DPH6: variants seen among roughly 807,000 people sequenced by gnomAD.
The protein encoded by DPH6 is diphthamine biosynthesis 6.
In DPH6, 33 loss-of-function variants were observed where a neutral mutation model predicts 38.2. That is an observed-to-expected ratio of 0.86 (90% CI 0.65 to 1.15). The LOEUF is 1.15. Among genes scored for constraint, DPH6 ranks in the 50% most tolerant of loss-of-function variants. The pLI is 0.00. For missense variants in DPH6, 325 were observed against 320.0 expected (o/e 1.02, Z -0.12); for synonymous variants, 108 against 103.0 (o/e 1.05, Z -0.30).
chr15:35,255,289 A>C (rs1239393960), intron 3 of DPH6, among the ~76,000 whole-genome samples: 3 of 152,228 alleles, frequency 2.0e-5, no homozygotes, highest in Non-Finnish European at 4.4e-5. Context: ...GAGCCTTCTT[A>C]AATCCCCTCA....
chr15:35,158,193 C>T, the DPH6 span, among the ~76,000 whole-genome samples: 1 of 140,438 alleles, frequency 7.1e-6, no homozygotes, highest in African/African-American at 2.6e-5. Context: ...TGGTCCCTCT[C>T]TCAAGGAAGT....
intron 3 of DPH6, among the ~76,000 whole-genome samples, chr15:35,276,086 T>C (rs2051857514): frequency 6.6e-6 from 1 of 152,230 alleles, no homozygotes; most frequent in Admixed American, 6.5e-5. Flanking sequence ...GTGTTTCCTG[T>C]TCACCACATC....
chr15:35,478,658 G>A (rs983829606), intron 3 of DPH6, among the ~76,000 whole-genome samples: 8 of 151,754 alleles, frequency 5.3e-5, no homozygotes, highest in African/African-American at 2.4e-5. Context: ...CCAAATCTGG[G>A]GTGGTCTAAA....
chr15:35,154,735 G>A, the DPH6 span, among the ~76,000 whole-genome samples: 5 of 152,072 alleles, frequency 3.3e-5, no homozygotes, highest in Non-Finnish European at 7.4e-5. Context: ...TATGAAATTG[G>A]GATTATTACA....
At chr15:35,457,198 G>C (rs981945341) in intron 3 of DPH6, among the ~76,000 whole-genome samples, 2 of 151,286 alleles carry the variant, frequency 1.3e-5, no homozygotes, top group South Asian at 2.1e-4. Flanking sequence ...CAACTGATCT[G>C]CCCGCCTTGG....
intron 7 of DPH6, among the ~76,000 whole-genome samples, chr15:35,378,151 C>G (rs183109847): frequency 2.6e-5 from 4 of 152,136 alleles, no homozygotes; most frequent in Non-Finnish European, 5.9e-5. Context: ...ACAACCCCAT[C>G]AAAAAGTGGG....
the DPH6 span, among the ~76,000 whole-genome samples, chr15:35,180,443 A>ACACACT: frequency 7.9e-6 from 1 of 125,874 alleles, no homozygotes; most frequent in South Asian, 2.6e-4. Flanking sequence ...ACACACACAC[A>ACACACT]CTTGCCCAGT....
chr15:35,522,197 G>C, intron 3 of DPH6: 1 of 1,613,370 alleles, frequency 6.2e-7, no homozygotes, highest in Non-Finnish European at 8.5e-7. Flanking sequence ...ACAATCGCCT[G>C]GCTGCCCACT....
intron 3 of DPH6, among the ~76,000 whole-genome samples, chr15:35,270,082 A>G (rs1287587891): frequency 6.6e-6 from 1 of 151,928 alleles, no homozygotes; most frequent in Non-Finnish European, 1.5e-5. Context: ...TACAGGCGTG[A>G]GCCACCGCGC....
chr15:35,279,955 G>A (rs1384450225), intron 3 of DPH6, among the ~76,000 whole-genome samples: 2 of 152,052 alleles, frequency 1.3e-5, no homozygotes, highest in African/African-American at 2.4e-5. Context: ...GAATGAGGGA[G>A]TAATCTCTTT....
chr15:35,235,047 T>A (rs1254358173), intron 3 of DPH6, among the ~76,000 whole-genome samples: 1 of 152,248 alleles, frequency 6.6e-6, no homozygotes, highest in Non-Finnish European at 1.5e-5. Context: ...CAGGCTCTAC[T>A]TCTATCTCTG....
chr15:35,437,131 C>T (rs559862295), intron 5 of DPH6, among the ~76,000 whole-genome samples: 6 of 151,976 alleles, frequency 3.9e-5, no homozygotes, highest in African/African-American at 7.3e-5. Flanking sequence ...GATACTCAGA[C>T]GAAAGAAAGA....
intron 5 of DPH6, among the ~76,000 whole-genome samples, chr15:35,420,208 A>T (rs780574205): frequency 6.6e-6 from 1 of 152,174 alleles, no homozygotes; most frequent in African/African-American, 2.4e-5. Flanking sequence ...TTACTGGGTC[A>T]AAGAAGAAAT....
At chr15:35,308,415 A>C (rs1479686246) in intron 3 of DPH6, among the ~76,000 whole-genome samples, 2 of 152,170 alleles carry the variant, frequency 1.3e-5, no homozygotes, top group African/African-American at 4.8e-5. Context: ...TTTCCAACCA[A>C]AAATAAAATA....
At chr15:35,490,024 A>G in intron 3 of DPH6, 3 of 985,414 alleles carry the variant, frequency 3.0e-6, no homozygotes, top group Non-Finnish European at 3.6e-6. Context: ...AGGCACCCAA[A>G]TGTAAAGAAA....
chr15:35,442,595 T>C (rs923330771), intron 5 of DPH6, among the ~76,000 whole-genome samples: 6 of 152,178 alleles, frequency 3.9e-5, no homozygotes, highest in Non-Finnish European at 7.4e-5. Flanking sequence ...AGGAGCATTA[T>C]TCATAATAAA....
the DPH6 span, among the ~76,000 whole-genome samples, chr15:35,201,192 CT>C: frequency 1.3e-5 from 2 of 151,350 alleles, no homozygotes; most frequent in Non-Finnish European, 3.0e-5. Flanking sequence ...TTGTATCATT[CT>C]TTTTTTCTCC....
At chr15:35,515,784 G>A (rs2054838462) in intron 3 of DPH6, among the ~76,000 whole-genome samples, 1 of 149,404 alleles carries the variant, frequency 6.7e-6, no homozygotes, top group South Asian at 2.1e-4. Context: ...TGTAGTTCCA[G>A]CTACTCAAGA....
the DPH6 span, among the ~76,000 whole-genome samples, chr15:35,159,379 T>C: frequency 1.3e-5 from 2 of 151,948 alleles, no homozygotes; most frequent in Admixed American, 6.6e-5. Flanking sequence ...TGAATCAGCA[T>C]AAATGCAGGC....
Sources: gnomAD v4.1 joint callset for allele counts (sites outside exome capture counted in the v4.1 genomes callset) on GRCh38, gnomAD v4.1.1 for gene constraint, MANE v1.5 for transcripts, NCBI Gene and HGNC (gene_info 2026-07-23, HGNC 2026-07-21) for gene names.